The following ACBD6 variants were observed in gnomAD, a reference collection of about 807,000 sequenced individuals.
The protein encoded by ACBD6 is acyl-CoA-binding domain-containing protein 6.
ACBD6 carries 28 observed loss-of-function variants against 37.2 expected under a neutral mutation model. The observed-to-expected ratio is 0.75, with a 90% CI of 0.56 to 1.03. The LOEUF is 1.03. Ranked by LOEUF, ACBD6 falls within the 50% of genes least tolerant of loss-of-function variation. The probability of loss-of-function intolerance (pLI) is 0.00; values close to 1 mark genes in which losing one functional copy is unlikely to be tolerated. For missense variants in ACBD6, 340 were observed against 337.4 expected (o/e 1.01, Z -0.06); for synonymous variants, 113 against 126.8 (o/e 0.89, Z 0.73).
At chr1:180,396,368 A>C (rs1654260645) in intron 6 of ACBD6, among the ~76,000 whole-genome samples, 1 of 152,214 alleles carries the variant, frequency 6.6e-6, no homozygotes, top group Non-Finnish European at 1.5e-5. Context: ...GAAAGGGGTA[A>C]ATTTTAATGA....
intron 3 of ACBD6, among the ~76,000 whole-genome samples, chr1:180,442,042 G>C (rs1649301061): frequency 6.6e-6 from 1 of 152,168 alleles, no homozygotes; most frequent in South Asian, 2.1e-4. Flanking sequence ...TAACTTAACT[G>C]AGTATAGAAT....
intron 4 of ACBD6, among the ~76,000 whole-genome samples, chr1:180,427,486 T>C (rs1249790926): frequency 2.6e-5 from 4 of 152,178 alleles, no homozygotes; most frequent in African/African-American, 2.4e-5. Context: ...ACACCAGATA[T>C]ATTTCACCAA....
At chr1:180,289,900 T>C (rs2149277538) in intron 7 of ACBD6, among the ~76,000 whole-genome samples, 1 of 152,294 alleles carries the variant, frequency 6.6e-6, no homozygotes, top group Middle Eastern at 3.4e-3. Flanking sequence ...AAATATGTAC[T>C]GAAACTACAA....
At chr1:180,344,135 G>A (rs1269427279) in intron 6 of ACBD6, among the ~76,000 whole-genome samples, 1 of 152,148 alleles carries the variant, frequency 6.6e-6, no homozygotes, top group Non-Finnish European at 1.5e-5. Context: ...AGGAAAAAGA[G>A]ACTGAACAGT....
At chr1:180,305,161 G>C (rs576305165) in intron 7 of ACBD6, among the ~76,000 whole-genome samples, 5 of 152,250 alleles carry the variant, frequency 3.3e-5, no homozygotes, top group Admixed American at 2.6e-4. Context: ...TTAAAACCTA[G>C]GCAATACCAT....
At chr1:180,424,156 A>C (rs2101988718) in intron 4 of ACBD6, among the ~76,000 whole-genome samples, 1 of 152,334 alleles carries the variant, frequency 6.6e-6, no homozygotes, top group Middle Eastern at 3.4e-3. Flanking sequence ...ACAGTAATTA[A>C]CAGCAGCGTT....
intron 3 of ACBD6, among the ~76,000 whole-genome samples, chr1:180,443,701 C>T (rs1649371498): frequency 6.6e-6 from 1 of 152,098 alleles, no homozygotes; most frequent in African/African-American, 2.4e-5. Flanking sequence ...CAAGCTCCGC[C>T]TCCTGGGTTG....
intron 6 of ACBD6, among the ~76,000 whole-genome samples, chr1:180,357,510 T>A (rs1229751572): frequency 6.6e-6 from 1 of 152,212 alleles, no homozygotes; most frequent in Non-Finnish European, 1.5e-5. Context: ...GCCCCAAATA[T>A]GCTGCTGACA....
chr1:180,415,894 A>T (rs1421976240), intron 4 of ACBD6, among the ~76,000 whole-genome samples: 1 of 152,160 alleles, frequency 6.6e-6, no homozygotes. Flanking sequence ...TTTTTTTGCT[A>T]TGTGAATTTT....
At chr1:180,334,366 T>C (rs112457049) in intron 6 of ACBD6, among the ~76,000 whole-genome samples, 6,814 of 152,196 alleles carry the variant, frequency 0.045, 488 homozygotes, top group African/African-American at 0.15. Context: ...CCAATATCCA[T>C]TGTTCTGCAG....
intron 7 of ACBD6, among the ~76,000 whole-genome samples, chr1:180,302,187 A>T (rs1046253825): frequency 6.7e-5 from 8 of 119,506 alleles, no homozygotes; most frequent in African/African-American, 2.6e-4. Context: ...GAGTATAATT[A>T]AAAAAATAGA....
chr1:180,403,682 C>T (rs1355202844), intron 5 of ACBD6, among the ~76,000 whole-genome samples: 1 of 152,130 alleles, frequency 6.6e-6, no homozygotes, highest in African/African-American at 2.4e-5. Context: ...CCAAGGTGTC[C>T]ATCAATGGAT....
intron 4 of ACBD6, among the ~76,000 whole-genome samples, chr1:180,421,016 A>AT (rs906828203): frequency 4.0e-5 from 6 of 150,796 alleles, no homozygotes; most frequent in Non-Finnish European, 7.4e-5. Flanking sequence ...CTCCTCAATG[A>AT]TTTTTTTTTC....
chr1:180,288,587 G>C, intron 7 of ACBD6, 70 bp from the exon 8 acceptor site: 1 of 1,521,944 alleles, frequency 6.6e-7, no homozygotes, highest in African/African-American at 1.4e-5. Context: ...ACTTCAGCAG[G>C]AAAGGAAAGT....
At chr1:180,465,294 A>G (rs943736952) in intron 3 of ACBD6, among the ~76,000 whole-genome samples, 4 of 152,200 alleles carry the variant, frequency 2.6e-5, no homozygotes, top group Admixed American at 6.5e-5. Flanking sequence ...TCCAGCATCT[A>G]TAAGGAACTT....
chr1:180,486,939 A>G (rs1651289393), intron 3 of ACBD6, among the ~76,000 whole-genome samples: 1 of 152,184 alleles, frequency 6.6e-6, no homozygotes, highest in Admixed American at 6.5e-5. Flanking sequence ...AATTATAAGG[A>G]AACACCAGGC....
chr1:180,421,013 A>G (rs1176748739), intron 4 of ACBD6, among the ~76,000 whole-genome samples: 2 of 151,850 alleles, frequency 1.3e-5, no homozygotes, highest in African/African-American at 2.4e-5. Context: ...TCTCTCCTCA[A>G]TGATTTTTTT....
intron 5 of ACBD6, among the ~76,000 whole-genome samples, chr1:180,403,224 T>C (rs113865187): frequency 8.5e-5 from 13 of 152,106 alleles, no homozygotes; most frequent in African/African-American, 3.1e-4. Context: ...ATGAGGAAAC[T>C]TTCTGGGGCG....
chr1:180,350,183 G>A (rs1325380143), intron 6 of ACBD6, among the ~76,000 whole-genome samples: 2 of 151,914 alleles, frequency 1.3e-5, no homozygotes, highest in Non-Finnish European at 2.9e-5. Context: ...AGGCCATTAT[G>A]CCTGGCTAAA....
Sources: gnomAD v4.1 joint callset for allele counts (sites outside exome capture counted in the v4.1 genomes callset) on GRCh38, gnomAD v4.1.1 for gene constraint, MANE v1.5 for transcripts, NCBI Gene and HGNC (gene_info 2026-07-23, HGNC 2026-07-21) for gene names.